Variants in FGF23 observed in about 807,000 individuals in gnomAD.
The protein encoded by FGF23 is fibroblast growth factor 23.
FGF23 carries 8 observed loss-of-function variants against 9.0 expected under a neutral mutation model. The observed-to-expected ratio is 0.89, with a 90% CI of 0.52 to 1.60. FGF23 has a LOEUF of 1.60. Among genes scored for constraint, FGF23 ranks in the 40% most tolerant of loss-of-function variants. FGF23 has a pLI of 0.00. For missense variants in FGF23, 311 were observed against 344.3 expected (o/e 0.90, Z 0.77); for synonymous variants, 118 against 146.2 (o/e 0.81, Z 1.39).
rs13312793 is a variant in FGF23 at position 4,370,516 on chromosome 12, G to A, written c.583C>T (p.Pro195Ser). 822 of 1,611,462 alleles carry A rather than the reference G, an allele frequency of 5.1e-4. 6 individuals carry two copies. In the African/African-American group the frequency reaches 9.3e-3, roughly 18 times the overall value. Residue 195 changes from proline (P) to serine (S), a missense_variant, in exon 3 of 3, where the codon CCC becomes TCC. Around this residue, in one of 3 missense-constraint regions of FGF23, gnomAD observed 206 missense variants for 219.2 expected, o/e 0.94. Transcript: ENST00000237837. ...GGGGCCGGGGTCATCCGGGCCCGGG[G>A]CTTCAGCACGTTCAGGGGGTCCCGC... ...SERDPLNVLKPRARMTPAPAS... is the reference protein window; with the variant it reads ...SERDPLNVLKSRARMTPAPAS...
Position 4,370,205 on chromosome 12 carries a change from G to A in FGF23, c.*138C>T, listed in dbSNP as rs1255688165. ...GTTGGTTCTCACAGGACCTCCTGTG[G>A]AAGGGACCCCAGAGAAGCAGCAAAT... On this transcript the variant is annotated 3_prime_UTR_variant, in exon 3 of 3. Transcript: ENST00000237837. 4.6e-6 allele frequency: 4 copies of A among 862,708 alleles called. No homozygotes were observed. The highest frequency in any genetic ancestry group is 3.3e-4 in the Middle Eastern group (1 of 2,992). The allele number at this position is 862,708 out of a possible 1,614,324, so 53.4% of individuals were successfully genotyped here.
chr12:4,377,408 A>T (rs1023935888), intron 1 of FGF23, among the ~76,000 whole-genome samples: 8 of 149,984 alleles, frequency 5.3e-5, no homozygotes, highest in Non-Finnish European at 1.0e-4. Context: ...TCTGCATTTT[A>T]AATCACATAT....
Position 4,370,446 on chromosome 12 carries a change from G to C in FGF23, c.653C>G (p.Pro218Arg). ...CACCCCTAATGGGTCACTGGCCATC[G>C]GGCTGTTGTCCTCGGCGCTCGGGAG... The part of the protein sequence containing the change: ...QELPSAEDNS[P>R]MASDPLGVVR... Residue 218 changes from proline to arginine, a missense_variant, in exon 3 of 3, where the codon CCG becomes CGG. Transcript: ENST00000237837. 6.2e-7 allele frequency: 1 copy of C among 1,613,478 alleles called. No homozygotes were observed. The highest frequency in any genetic ancestry group is 8.5e-7 in the Non-Finnish European group (1 of 1,179,732).
At chr12:4,377,588 G>A (rs1275681671) in intron 1 of FGF23, among the ~76,000 whole-genome samples, 4 of 145,810 alleles carry the variant, frequency 2.7e-5, no homozygotes, top group East Asian at 2.2e-4. Context: ...CTGCCACCAC[G>A]CCTGGCTAAT....
chr12:4,372,576 C>A lies in FGF23; in HGVS notation c.315+18G>T. ...TTAATTGTTTGCAAATGGTGACCAA[C>A]ACAAAAAAGAAACTCACTGATCCAA... On this transcript the variant is annotated intron_variant, in intron 2 of 2. Coordinates refer to ENST00000237837, the MANE Select transcript of FGF23 (RefSeq NM_020638.3). The A allele has an allele frequency of 1.4e-6, 2 of 1,479,446 alleles. No homozygotes were observed. The highest frequency in any genetic ancestry group is 1.9e-6 in the Non-Finnish European group (2 of 1,057,292). 91.6% of individuals were successfully genotyped at this position (1,479,446 alleles called of 1,614,324 possible).
intron 2 of FGF23, 150 bp from the exon 3 acceptor site, chr12:4,370,933 G>A: frequency 1.3e-6 from 1 of 741,476 alleles, no homozygotes. Flanking sequence ...TCCCTGCTGG[G>A]GTAGAGTGGT....
In FGF23 at chr12:4,369,095, A is replaced by T. The variant is rs1865033494; in HGVS notation, c.*1248T>A. The T allele has an allele frequency of 4.4e-6, 1 of 229,660 alleles. No homozygotes were observed. Among genetic ancestry groups the T allele is most frequent in the South Asian group, 1.8e-4 (1 of 5,496 alleles). 14.2% of individuals were successfully genotyped at this position (229,660 alleles called of 1,614,324 possible). A position where few individuals can be genotyped will look rare whatever the true frequency, so the allele number is the denominator to read the frequency against. Reference sequence around the variant, plus strand: ...GTAAGGCTTCATTTAATGCACCAAGAATTTCCAAGGGGATTGAGACCCAGA... The same window carrying T: ...GTAAGGCTTCATTTAATGCACCAAGTATTTCCAAGGGGATTGAGACCCAGA... On this transcript the variant is annotated 3_prime_UTR_variant, in exon 3 of 3. Coordinates refer to ENST00000237837, the MANE Select transcript of FGF23 (RefSeq NM_020638.3).
In FGF23 at chr12:4,379,366, A is replaced by C. The variant is rs754442184; in HGVS notation, c.211+6T>G. ...CCCCTTCTTCCCAGCCTGAAGCCCT[A>C]CTCACTGTAGATGGTCTGATGGGGT... On this transcript the variant is annotated splice_donor_region_variant and intron_variant, in intron 1 of 2. Coordinates refer to ENST00000237837, the MANE Select transcript of FGF23 (RefSeq NM_020638.3). 2 of 1,609,304 alleles carry C rather than the reference A, an allele frequency of 1.2e-6. No individual in the cohort carries two copies. Among genetic ancestry groups the C allele is most frequent in the Non-Finnish European group, 1.7e-6 (2 of 1,178,926 alleles).
At chr12:4,372,077 CA>C (rs1471227618) in intron 2 of FGF23, among the ~76,000 whole-genome samples, 7 of 148,390 alleles carry the variant, frequency 4.7e-5, no homozygotes, top group African/African-American at 1.7e-4. Flanking sequence ...ATCGCAAGAA[CA>C]AAAAACCAAA....
chr12:4,372,092 C>T (rs187864072), intron 2 of FGF23, among the ~76,000 whole-genome samples: 7 of 147,572 alleles, frequency 4.7e-5, no homozygotes, highest in African/African-American at 1.8e-4. Context: ...AACCAAACAC[C>T]GCATATTCTC....
chr12:4,379,238 G>T (rs1219148106), intron 1 of FGF23, 134 bp downstream of exon 1: 4 of 777,048 alleles, frequency 5.1e-6, no homozygotes, highest in Non-Finnish European at 6.8e-6. Flanking sequence ...CACACACAAA[G>T]ACAATAAGTG....
At position 4,370,241 on chromosome 12, in the gene FGF23, C is replaced by G; in HGVS notation, c.*102G>C. On this transcript the variant is annotated 3_prime_UTR_variant, in exon 3 of 3. Transcript: ENST00000237837. ...AGAGAAGCAGCAAATTCCATACATG[C>G]CCCTGTCACCTTTCCCATCCTCGGA... 1.7e-6 allele frequency: 2 copies of G among 1,195,866 alleles called. No individual in the cohort carries two copies. Among genetic ancestry groups the G allele is most frequent in the Non-Finnish European group, 2.4e-6 (2 of 816,746 alleles). The allele number at this position is 1,195,866 out of a possible 1,614,324, so 74.1% of individuals were successfully genotyped here. A position where few individuals can be genotyped will look rare whatever the true frequency, so the allele number is the denominator to read the frequency against.
intron 1 of FGF23, among the ~76,000 whole-genome samples, chr12:4,374,761 T>G (rs374400934): frequency 2.0e-5 from 3 of 152,338 alleles, no homozygotes; most frequent in East Asian, 3.9e-4. Flanking sequence ...ACTTTACATA[T>G]TTTAAATTCT....
In FGF23 at chr12:4,370,456, C is replaced by T; in HGVS notation, c.643G>A (p.Asp215Asn). 6.2e-7 allele frequency: 1 copy of T among 1,613,244 alleles called. No individual in the cohort carries two copies. The highest frequency in any genetic ancestry group is 8.5e-7 in the Non-Finnish European group (1 of 1,179,540). Reference sequence around the variant, plus strand: ...GGGTCACTGGCCATCGGGCTGTTGTCCTCGGCGCTCGGGAGCTCCTGTGAA... The same window carrying T: ...GGGTCACTGGCCATCGGGCTGTTGTTCTCGGCGCTCGGGAGCTCCTGTGAA... ...SCSQELPSAE[D>N]NSPMASDPLG... Residue 215 changes from aspartate to asparagine, a missense_variant, in exon 3 of 3, where the codon GAC (aspartate) becomes AAC (asparagine). By Grantham distance (23) the Asp-to-Asn change is conservative. Coordinates refer to ENST00000237837, the MANE Select transcript of FGF23 (RefSeq NM_020638.3).
rs886049408 is a variant in FGF23, at chr12:4,370,065, C to G, written c.*278G>C. Reference sequence around the variant, plus strand: ...AGAAATATGTTGGGAGAGACCCCTTCTCTCTACCTTCATGAAGGGGAAATT... The same window carrying G: ...AGAAATATGTTGGGAGAGACCCCTTGTCTCTACCTTCATGAAGGGGAAATT... On this transcript the variant is annotated 3_prime_UTR_variant, in exon 3 of 3. Coordinates refer to ENST00000237837, the MANE Select transcript of FGF23 (RefSeq NM_020638.3). 15 of 382,450 alleles carry G rather than the reference C, an allele frequency of 3.9e-5. No homozygotes were observed. The highest frequency in any genetic ancestry group is 6.1e-5 in the Non-Finnish European group (13 of 212,268). 23.7% of individuals were successfully genotyped at this position (382,450 alleles called of 1,614,324 possible). A position where few individuals can be genotyped will look rare whatever the true frequency, so the allele number is the denominator to read the frequency against.
In FGF23 at chr12:4,369,231, A is replaced by G. The variant is rs1187727878; in HGVS notation, c.*1112T>C. 1 of 231,374 alleles carries G rather than the reference A, an allele frequency of 4.3e-6. No homozygotes were observed. Among genetic ancestry groups the G allele is most frequent in the African/African-American group, 2.2e-5 (1 of 45,188 alleles). 14.3% of individuals were successfully genotyped at this position (231,374 alleles called of 1,614,324 possible). On this transcript the variant is annotated 3_prime_UTR_variant, in exon 3 of 3. Transcript: ENST00000237837. The stretch of plus-strand genomic sequence containing the variant: ...TGGTTGTCTTTTCATAACTTCTATA[A>G]CATGTCCCCTGATTTCTTTCCCCCT...
At chr12:4,377,488 T>A (rs983289531) in intron 1 of FGF23, among the ~76,000 whole-genome samples, 2 of 124,366 alleles carry the variant, frequency 1.6e-5, no homozygotes, top group African/African-American at 6.1e-5. Context: ...TGGAGTGCAG[T>A]GGCGCAATCT....
At chr12:4,372,788 C>G in intron 1 of FGF23, 91 bp from the exon 2 acceptor site, 1 of 834,444 alleles carries the variant, frequency 1.2e-6, no homozygotes, top group African/African-American at 1.7e-5. Flanking sequence ...TGAAACCTCC[C>G]TGGATTGATT....
Position 4,377,422 on chromosome 12 carries a change from CTTTTT to C in FGF23, c.211+1945_211+1949del, listed in dbSNP as rs11397562. On this transcript the variant is annotated intron_variant, in intron 1 of 2. Transcript: ENST00000237837. Reference sequence around the variant, plus strand: ...TTCTGCATTTTAAATCACATATAGTCTTTTTTTTTTTTTTTTTTTTTTTTTTGAGA... The same window carrying C: ...TTCTGCATTTTAAATCACATATAGTCTTTTTTTTTTTTTTTTTTTTTGAGA... Among the ~76,000 whole-genome samples, 127 of 69,522 alleles carry C rather than the reference CTTTTT, an allele frequency of 1.8e-3. 1 individual carries two copies. Among genetic ancestry groups the C allele is most frequent in the African/African-American group, 7.1e-3 (123 of 17,376 alleles). 45.6% of individuals were successfully genotyped at this position (69,522 alleles called of 152,430 possible).
Sources: gnomAD v4.1 joint callset for allele counts (sites outside exome capture counted in the v4.1 genomes callset) on GRCh38, gnomAD v4.1.1 for gene constraint, gnomAD v4.1.1 regional missense constraint, MANE v1.5 for transcripts, NCBI Gene and HGNC (gene_info 2026-07-23, HGNC 2026-07-21) for gene names.